Variants in GRM5 observed in about 807,000 individuals in gnomAD.
GRM5 encodes the protein metabotropic glutamate receptor 5.
In GRM5, 19 loss-of-function variants were observed where a neutral mutation model predicts 83.1. The ratio of observed to expected loss-of-function variants is 0.23; its 90% confidence interval spans 0.16 to 0.34. The LOEUF is 0.34. Ranked by LOEUF, GRM5 falls within the 10% of genes least tolerant of loss-of-function variation. The pLI is 1.00. For missense variants in GRM5, 1,160 were observed against 1,588.3 expected (o/e 0.73, Z 4.58); for synonymous variants, 675 against 633.6 (o/e 1.07, Z -0.98).
chr11:88,752,525 G>A (rs936596288), intron 3 of GRM5, among the ~76,000 whole-genome samples: 7 of 152,128 alleles, frequency 4.6e-5, no homozygotes, highest in Admixed American at 4.6e-4. Context: ...TGGCCATACT[G>A]CCCAAAGTAA....
At chr11:88,881,697 T>C (rs1284596315) in intron 2 of GRM5, among the ~76,000 whole-genome samples, 1 of 152,178 alleles carries the variant, frequency 6.6e-6, no homozygotes, top group Non-Finnish European at 1.5e-5. Flanking sequence ...ATAGTGGCCA[T>C]TTGTTTTGCT....
At chr11:88,749,149 C>T (rs535545132) in intron 3 of GRM5, among the ~76,000 whole-genome samples, 1 of 152,228 alleles carries the variant, frequency 6.6e-6, no homozygotes, top group South Asian at 2.1e-4. Context: ...ACGAACTTCA[C>T]TGAACTAAAG....
At chr11:88,723,569 C>T (rs1941600520) in intron 3 of GRM5, among the ~76,000 whole-genome samples, 1 of 151,964 alleles carries the variant, frequency 6.6e-6, no homozygotes, top group Admixed American at 6.6e-5. Flanking sequence ...ATGGTTGTTA[C>T]TATGGAAGAG....
intron 4 of GRM5, among the ~76,000 whole-genome samples, chr11:88,632,975 A>G (rs1240925884): frequency 1.3e-5 from 2 of 152,192 alleles, no homozygotes; most frequent in African/African-American, 4.8e-5. Flanking sequence ...TGCAATCCTT[A>G]TATCTTCTTT....
intron 2 of GRM5, among the ~76,000 whole-genome samples, chr11:88,876,882 C>T (rs1944863473): frequency 6.6e-6 from 1 of 151,902 alleles, no homozygotes; most frequent in East Asian, 1.9e-4. Context: ...ACTACTCAGC[C>T]ATAAAAAAAG....
chr11:88,857,605 T>G (rs1220698869), intron 2 of GRM5, among the ~76,000 whole-genome samples: 1 of 152,090 alleles, frequency 6.6e-6, no homozygotes, highest in African/African-American at 2.4e-5. Flanking sequence ...GATGTTCTTT[T>G]GTTTGATGCC....
At chr11:88,658,017 G>A (rs1234538543) in intron 3 of GRM5, among the ~76,000 whole-genome samples, 1 of 151,958 alleles carries the variant, frequency 6.6e-6, no homozygotes, top group African/African-American at 2.4e-5. Flanking sequence ...TTTCAGACCA[G>A]TACCTGTCCG....
At position 88,744,365 on chromosome 11, in the gene GRM5, C is replaced by T. The variant is rs1185035195; in HGVS notation, c.912-90962G>A. 2.0e-5 allele frequency among the ~76,000 whole-genome samples: 3 copies of T among 152,162 alleles called. No individual in the cohort carries two copies. In the East Asian group the frequency reaches 5.8e-4, roughly 29 times the overall value. ...CAAACCATTATTTATGACAAGGTCA[C>T]CTTTGCTTTAAGTAGATATTCAGCA... On this transcript the variant is annotated intron_variant, in intron 3 of 9. Transcript: ENST00000305447.
intron 2 of GRM5, among the ~76,000 whole-genome samples, chr11:88,936,204 G>A (rs1565299860): frequency 6.6e-6 from 1 of 151,790 alleles, no homozygotes; most frequent in Non-Finnish European, 1.5e-5. Context: ...TAAGATTTAG[G>A]TTGCTAATCT....
intron 8 of GRM5, among the ~76,000 whole-genome samples, chr11:88,532,403 A>G (rs1942033568): frequency 6.6e-6 from 1 of 152,172 alleles, no homozygotes; most frequent in Non-Finnish European, 1.5e-5. Flanking sequence ...TGAATGAGGG[A>G]CATTTGAACT....
rs796854617 is a variant in GRM5, at chr11:88,681,565, CTTTTTT to C, written c.912-28168_912-28163del. Reference sequence around the variant, plus strand: ...ATAAACTCAAGAGGTTGAGTTCTTCCTTTTTTTTTTTTTTTTTTTTTTTTGAGATGG... The same window carrying C: ...ATAAACTCAAGAGGTTGAGTTCTTCCTTTTTTTTTTTTTTTTTTGAGATGG... On this transcript the variant is annotated intron_variant, in intron 3 of 9. Transcript: ENST00000305447. Among the ~76,000 whole-genome samples, 159 of 25,408 alleles carry C rather than the reference CTTTTTT, an allele frequency of 6.3e-3. 3 individuals carry two copies. Among genetic ancestry groups the C allele is most frequent in the East Asian group, 0.051 (28 of 554 alleles). 16.7% of individuals were successfully genotyped at this position (25,408 alleles called of 152,430 possible). A position where few individuals can be genotyped will look rare whatever the true frequency, so the allele number is the denominator to read the frequency against.
chr11:88,616,579 G>A (rs1418116608), intron 4 of GRM5, among the ~76,000 whole-genome samples: 1 of 152,022 alleles, frequency 6.6e-6, no homozygotes, highest in Admixed American at 6.6e-5. Context: ...TATTTTGAAA[G>A]CATAGAGAAT....
intron 3 of GRM5, among the ~76,000 whole-genome samples, chr11:88,660,444 T>C (rs903995058): frequency 6.6e-6 from 1 of 152,210 alleles, no homozygotes; most frequent in Admixed American, 6.6e-5. Flanking sequence ...CATGGTTATT[T>C]ATTAATACTA....
chr11:88,887,756 A>T (rs539751429), intron 2 of GRM5, among the ~76,000 whole-genome samples: 1 of 152,248 alleles, frequency 6.6e-6, no homozygotes, highest in South Asian at 2.1e-4. Context: ...ACTCCCCTGG[A>T]GTGCATTCTG....
At chr11:88,856,094 G>T (rs1303858215) in intron 2 of GRM5, among the ~76,000 whole-genome samples, 15 of 151,960 alleles carry the variant, frequency 9.9e-5, no homozygotes, top group Non-Finnish European at 1.0e-4. Flanking sequence ...CATCTTAGTT[G>T]GTCCAAATTA....
intron 7 of GRM5, among the ~76,000 whole-genome samples, chr11:88,578,128 C>T (rs1487956286): frequency 1.3e-5 from 2 of 151,912 alleles, no homozygotes; most frequent in Non-Finnish European, 2.9e-5. Context: ...ATGTGTTGCC[C>T]CAAGTAAATG....
At chr11:89,001,107 G>T (rs1423700381) in intron 2 of GRM5, among the ~76,000 whole-genome samples, 2 of 151,438 alleles carry the variant, frequency 1.3e-5, no homozygotes, top group Non-Finnish European at 2.9e-5. Flanking sequence ...AAAATAACCT[G>T]CTAGGTTATT....
At chr11:88,560,538 A>G (rs1291194298) in intron 8 of GRM5, among the ~76,000 whole-genome samples, 1 of 152,170 alleles carries the variant, frequency 6.6e-6, no homozygotes, top group Non-Finnish European at 1.5e-5. Flanking sequence ...TTGATTTTAG[A>G]AAGAAAGCAT....
intron 2 of GRM5, among the ~76,000 whole-genome samples, chr11:89,013,794 C>T (rs1328273482): frequency 1.3e-5 from 2 of 152,136 alleles, no homozygotes; most frequent in African/African-American, 4.8e-5. Flanking sequence ...GATCCCTTAA[C>T]AATTTTAATC....
Sources: gnomAD v4.1 joint callset for allele counts (sites outside exome capture counted in the v4.1 genomes callset) on GRCh38, gnomAD v4.1.1 for gene constraint, MANE v1.5 for transcripts, NCBI Gene and HGNC (gene_info 2026-07-23, HGNC 2026-07-21) for gene names.